Variants in ST8SIA5 observed in about 807,000 individuals in gnomAD.
ST8SIA5 encodes the protein ST8 alpha-N-acetyl-neuraminide alpha-2,8-sialyltransferase 5.
In ST8SIA5, 24 loss-of-function variants were observed where a neutral mutation model predicts 40.2. The ratio of observed to expected loss-of-function variants is 0.60; its 90% CI spans 0.43 to 0.84. The LOEUF is 0.84. Ranked by LOEUF, ST8SIA5 falls within the 40% of genes least tolerant of loss-of-function variation. The pLI is 0.00. For missense variants in ST8SIA5, 465 were observed against 498.5 expected, an observed-to-expected ratio of 0.93 and a Z score of 0.64; for synonymous variants, 198 against 201.8, an observed-to-expected ratio of 0.98 and a Z score of 0.16.
chr18:46,689,132 C>T (rs1393291883), intron 3 of ST8SIA5, among the ~76,000 whole-genome samples: 1 of 152,046 alleles, frequency 6.6e-6, no homozygotes, highest in Non-Finnish European at 1.5e-5. Flanking sequence ...CCTCTCCTGC[C>T]CACTCATTCC....
At chr18:46,681,453 C>T (rs1259118765) in intron 6 of ST8SIA5, among the ~76,000 whole-genome samples, 1 of 152,200 alleles carries the variant, frequency 6.6e-6, no homozygotes, top group Non-Finnish European at 1.5e-5. Context: ...GTGGCTACGC[C>T]CGGGGCTAGG....
intron 1 of ST8SIA5, among the ~76,000 whole-genome samples, chr18:46,714,283 T>C (rs1161018089): frequency 1.3e-5 from 2 of 152,096 alleles, no homozygotes; most frequent in Admixed American, 1.3e-4. Context: ...CATCCCCTAA[T>C]CTAATGGGTG....
At chr18:46,744,825 C>T (rs1225341574) in intron 1 of ST8SIA5, among the ~76,000 whole-genome samples, 2 of 152,152 alleles carry the variant, frequency 1.3e-5, no homozygotes, top group African/African-American at 4.8e-5. Flanking sequence ...GTAAAGCACT[C>T]CTCAGCAAAT....
In ST8SIA5 at chr18:46,709,337, C is replaced by A. The variant is rs575597600; in HGVS notation, c.132-4673G>T. ...GCCATCTATGAGGAACGGGCCCTCG[C>A]CAGACACCAAATCTTCTGCCACCTT... is the stretch of plus-strand genomic sequence containing the variant. On this transcript the variant is annotated intron_variant, in intron 1 of 6. Coordinates refer to ENST00000315087, the MANE Select transcript of ST8SIA5 (RefSeq NM_013305.6). Among the ~76,000 whole-genome samples the A allele has an allele frequency of 1.2e-3, 180 of 152,284 alleles. 1 individual carries two copies. The highest frequency in any genetic ancestry group is 4.1e-3 in the African/African-American group (169 of 41,558).
intron 1 of ST8SIA5, among the ~76,000 whole-genome samples, chr18:46,729,855 C>T (rs1281446540): frequency 1.7e-5 from 2 of 117,452 alleles, no homozygotes; most frequent in South Asian, 3.0e-4. Context: ...CCACCTTGCA[C>T]AGGTGGGGTC....
At chr18:46,686,035 G>T (rs1473772436) in intron 5 of ST8SIA5, 139 bp downstream of exon 5, 1 of 760,210 alleles carries the variant, frequency 1.3e-6, no homozygotes, top group Non-Finnish European at 2.2e-6. Context: ...AGAGAAGAAG[G>T]GATATCCCAG....
chr18:46,725,972 A>AAAAAATATATATAT (rs59660372), intron 1 of ST8SIA5, among the ~76,000 whole-genome samples: 6 of 29,092 alleles, frequency 2.1e-4, no homozygotes, highest in Admixed American at 1.4e-3. Flanking sequence ...AAAAAAAAAA[A>AAAAAATATATATAT]ATATATATAT....
chr18:46,713,731 G>A (rs1267722431), intron 1 of ST8SIA5, among the ~76,000 whole-genome samples: 2 of 152,158 alleles, frequency 1.3e-5, no homozygotes, highest in Non-Finnish European at 2.9e-5. Flanking sequence ...TGGAAATGGG[G>A]GTCAAAGAAG....
At chr18:46,707,126 C>G (rs1403899018) in intron 1 of ST8SIA5, among the ~76,000 whole-genome samples, 1 of 152,198 alleles carries the variant, frequency 6.6e-6, no homozygotes. Flanking sequence ...ACAGTGAGCT[C>G]TGGTGTCCTA....
intron 6 of ST8SIA5, among the ~76,000 whole-genome samples, chr18:46,680,940 C>T (rs1439422085): frequency 3.3e-5 from 5 of 152,180 alleles, no homozygotes; most frequent in Admixed American, 3.3e-4. Flanking sequence ...GACGCTTCCT[C>T]TCCTGCAGCC....
intron 1 of ST8SIA5, among the ~76,000 whole-genome samples, chr18:46,736,599 G>T (rs959212546): frequency 6.6e-6 from 1 of 152,116 alleles, no homozygotes; most frequent in South Asian, 2.1e-4. Context: ...GTGGGGTGTG[G>T]TTTATTTCCA....
intron 6 of ST8SIA5, among the ~76,000 whole-genome samples, chr18:46,681,727 G>A (rs907013753): frequency 6.6e-6 from 1 of 152,118 alleles, no homozygotes; most frequent in African/African-American, 2.4e-5. Flanking sequence ...AATGGAAATG[G>A]GTGAAGTTTT....
intron 1 of ST8SIA5, among the ~76,000 whole-genome samples, chr18:46,735,605 A>G (rs1025325216): frequency 6.6e-6 from 1 of 152,082 alleles, no homozygotes; most frequent in Non-Finnish European, 1.5e-5. Flanking sequence ...ATATTGTACT[A>G]TATTGTTTGG....
chr18:46,725,970 AAAATATATATATAT>A (rs1393987933), intron 1 of ST8SIA5, among the ~76,000 whole-genome samples: 1 of 31,810 alleles, frequency 3.1e-5, no homozygotes, highest in African/African-American at 1.5e-4. Context: ...AAAAAAAAAA[AAAATATATATATAT>A]ATATATATAT....
At chr18:46,684,509 T>C (rs1261680016) in intron 5 of ST8SIA5, among the ~76,000 whole-genome samples, 1 of 152,212 alleles carries the variant, frequency 6.6e-6, no homozygotes, top group African/African-American at 2.4e-5. Context: ...TCTTTCATTT[T>C]AGGAGATAAA....
At position 46,679,815 on chromosome 18, in the gene ST8SIA5, C is replaced by T. The variant is rs1421902557; in HGVS notation, c.*227G>A. The T allele has an allele frequency of 3.5e-6, 2 of 574,012 alleles. No individual in the cohort carries two copies. The highest frequency in any genetic ancestry group is 3.1e-6 in the Non-Finnish European group (1 of 323,530). The allele number at this position is 574,012 out of a possible 1,614,324, so 35.6% of individuals were successfully genotyped here. A position where few individuals can be genotyped will look rare whatever the true frequency, so the allele number is the denominator to read the frequency against. On this transcript the variant is annotated 3_prime_UTR_variant, in exon 7 of 7. Transcript: ENST00000315087. ...AGCCAGGGCAGGTGGACGCACTGGGCGGATGCACCGGTGGGGGCCAGGCCA... is the reference window on the plus strand; with the variant it reads ...AGCCAGGGCAGGTGGACGCACTGGGTGGATGCACCGGTGGGGGCCAGGCCA...
chr18:46,702,072 G>A (rs902935670), intron 2 of ST8SIA5, among the ~76,000 whole-genome samples: 6 of 151,624 alleles, frequency 4.0e-5, no homozygotes, highest in African/African-American at 9.7e-5. Flanking sequence ...GCTTGAACCC[G>A]GGCGACAGAG....
At chr18:46,733,688 G>A (rs978928632) in intron 1 of ST8SIA5, among the ~76,000 whole-genome samples, 3 of 152,174 alleles carry the variant, frequency 2.0e-5, no homozygotes, top group African/African-American at 4.8e-5. Context: ...CTGGGAAGGG[G>A]ACATGTGAGC....
At chr18:46,695,849 T>G (rs1169743343) in intron 2 of ST8SIA5, among the ~76,000 whole-genome samples, 4 of 152,262 alleles carry the variant, frequency 2.6e-5, no homozygotes, top group Non-Finnish European at 5.9e-5. Context: ...CACTATTTGT[T>G]GAGTTATCTC....
Sources: gnomAD v4.1 joint callset for allele counts (sites outside exome capture counted in the v4.1 genomes callset) on GRCh38, gnomAD v4.1.1 for gene constraint, MANE v1.5 for transcripts, NCBI Gene and HGNC (gene_info 2026-07-23, HGNC 2026-07-21) for gene names.